INTU: variants seen among roughly 807,000 people sequenced by gnomAD.
The protein encoded by INTU is inturned planar cell polarity protein, also known as protein inturned.
Under a neutral mutation model 100.5 loss-of-function variants are expected in INTU, and 68 were observed. That is an observed-to-expected ratio of 0.68 (90% CI 0.56 to 0.83). The LOEUF (loss-of-function observed/expected upper bound fraction) is 0.83, where lower values mean the gene tolerates loss of function less well. INTU is among the 40% of genes least tolerant of loss of function. The pLI is 0.00. For synonymous variants in INTU, 357 were observed against 395.7 expected, an observed-to-expected ratio of 0.90 and a Z score of 1.16; for missense variants, 1,071 against 1,114.7, an observed-to-expected ratio of 0.96 and a Z score of 0.56.
intron 1 of INTU, among the ~76,000 whole-genome samples, chr4:127,637,428 A>G (rs554165799): frequency 6.6e-6 from 1 of 152,310 alleles, no homozygotes; most frequent in African/African-American, 2.4e-5. Flanking sequence ...ATTATTGAAA[A>G]TGATTATCCA....
At chr4:127,674,897 G>C (rs1246580523) in intron 6 of INTU, among the ~76,000 whole-genome samples, 2 of 152,166 alleles carry the variant, frequency 1.3e-5, no homozygotes, top group Non-Finnish European at 2.9e-5. Context: ...AATCAAAAGA[G>C]GGTTCAGTAA....
At chr4:127,690,055 T>A (rs1730043435) in intron 8 of INTU, among the ~76,000 whole-genome samples, 1 of 152,204 alleles carries the variant, frequency 6.6e-6, no homozygotes, top group Non-Finnish European at 1.5e-5. Flanking sequence ...CTTTCTGTGA[T>A]AGTAGAGGTA....
chr4:127,695,574 T>A (rs1170547248), intron 8 of INTU, among the ~76,000 whole-genome samples: 2 of 152,220 alleles, frequency 1.3e-5, no homozygotes, highest in African/African-American at 4.8e-5. Flanking sequence ...CATACAGGGT[T>A]AATATAGAAA....
chr4:127,649,289 A>G (rs954303273), intron 2 of INTU, among the ~76,000 whole-genome samples: 1 of 152,164 alleles, frequency 6.6e-6, no homozygotes, highest in Non-Finnish European at 1.5e-5. Context: ...TCAGTAAACA[A>G]GCTTGACCTT....
chr4:127,684,156 T>C (rs1729708372), intron 6 of INTU, among the ~76,000 whole-genome samples: 1 of 152,204 alleles, frequency 6.6e-6, no homozygotes, highest in Non-Finnish European at 1.5e-5. Context: ...ATGAAGAAAC[T>C]GAACTTTAGA....
At chr4:127,667,114 C>T (rs1045723058) in intron 4 of INTU, among the ~76,000 whole-genome samples, 20 of 152,000 alleles carry the variant, frequency 1.3e-4, no homozygotes, top group East Asian at 3.9e-4. Context: ...AACAAATTTC[C>T]GGGATGATAA....
At chr4:127,671,967 T>A (rs1728951820) in intron 5 of INTU, among the ~76,000 whole-genome samples, 2 of 152,022 alleles carry the variant, frequency 1.3e-5, no homozygotes, top group Middle Eastern at 3.4e-3. Context: ...CACATGGACA[T>A]AGAGTGTAAA....
chr4:127,638,299 T>A (rs1413438316), intron 1 of INTU, among the ~76,000 whole-genome samples: 1 of 152,188 alleles, frequency 6.6e-6, no homozygotes, highest in Non-Finnish European at 1.5e-5. Context: ...ACCACTTCGG[T>A]AAAGTGCATT....
chr4:127,643,756 TG>T lies in INTU; in HGVS notation c.383del (p.Cys128SerfsTer15), dbSNP rs1431557843. On this transcript the variant is annotated frameshift_variant, in exon 2 of 16. Transcript: ENST00000335251. LOFTEE classifies it high-confidence loss of function. Reference sequence around the variant, plus strand: ...AAGGAAAAGACTTTTACCCAAGCGCTGCAATAAAAAAAATAGCAATGACAAT... The same window carrying T: ...AAGGAAAAGACTTTTACCCAAGCGCTCAATAAAAAAAATAGCAATGACAAT... Reference protein sequence around the residue: ...LRRKRLLPKRCNKKNSNDNGP... With the variant: ...LRRKRLLPKRXNKKNSNDNGP... 6.2e-6 allele frequency: 10 copies of T among 1,612,986 alleles called. No individual in the cohort carries two copies. Among genetic ancestry groups the T allele is most frequent in the Non-Finnish European group, 7.6e-6 (9 of 1,179,756 alleles).
intron 5 of INTU, among the ~76,000 whole-genome samples, chr4:127,673,164 A>G (rs184158250): frequency 2.2e-4 from 33 of 152,138 alleles, no homozygotes; most frequent in African/African-American, 7.5e-4. Context: ...AAATTAACCA[A>G]CTGAGATGAA....
At chr4:127,660,238 G>A (rs550365458) in intron 3 of INTU, among the ~76,000 whole-genome samples, 1 of 152,254 alleles carries the variant, frequency 6.6e-6, no homozygotes, top group South Asian at 2.1e-4. Flanking sequence ...ATTTTCTACA[G>A]GAGAGAGAGA....
chr4:127,714,055 GA>G lies in INTU; in HGVS notation c.2685del (p.Ala896HisfsTer9). 1 of 1,613,014 alleles carries G rather than the reference GA, an allele frequency of 6.2e-7. No homozygotes were observed. On this transcript the variant is annotated frameshift_variant, in exon 15 of 16. Coordinates refer to ENST00000335251, the MANE Select transcript of INTU (RefSeq NM_015693.4). LOFTEE classifies it high-confidence loss of function. ...GTTCACCTGGAAACTGGACTGATCA[GA>G]AAAAAGCACCACCAGTTATGGCTTA... ...ECSPGNWTDQKKAPPVMAYWV... is the reference protein window; with the variant it reads ...ECSPGNWTDQXKAPPVMAYWV...
At chr4:127,653,784 G>T (rs1203301327) in intron 2 of INTU, among the ~76,000 whole-genome samples, 104 of 151,460 alleles carry the variant, frequency 6.9e-4, no homozygotes, top group African/African-American at 2.2e-3. Flanking sequence ...CCTTGTTGAC[G>T]TTCTGTCTCG....
Position 127,716,463 on chromosome 4 carries a change from C to T in INTU, c.*27C>T, listed in dbSNP as rs777186871. 4.1e-5 allele frequency: 45 copies of T among 1,086,698 alleles called. No homozygotes were observed. The highest frequency in any genetic ancestry group is 2.8e-4 in the African/African-American group (18 of 63,560). The allele number at this position is 1,086,698 out of a possible 1,614,324, so 67.3% of individuals were successfully genotyped here. A position where few individuals can be genotyped will look rare whatever the true frequency, so the allele number is the denominator to read the frequency against. On this transcript the variant is annotated 3_prime_UTR_variant, in exon 16 of 16. Transcript: ENST00000335251. ...TGTGCTTTCTTGATGCGTAGAAACACGTGCATGGAGGATCAAACACTGTCA... is the reference window on the plus strand; with the variant it reads ...TGTGCTTTCTTGATGCGTAGAAACATGTGCATGGAGGATCAAACACTGTCA...
Position 127,724,137 on chromosome 4 carries a change from G to A in INTU, c.*7701G>A, listed in dbSNP as rs1578648138. The A allele has an allele frequency of 6.6e-6, 1 of 151,236 alleles. No individual in the cohort carries two copies. The highest frequency in any genetic ancestry group is 2.1e-4 in the South Asian group (1 of 4,780). 9.4% of individuals were successfully genotyped at this position (151,236 alleles called of 1,614,324 possible). On this transcript the variant is annotated 3_prime_UTR_variant, in exon 16 of 16. Transcript: ENST00000335251. ...CTTCTTTTATAAAATACTAATTTTTGGCCGGGCACGGTGGTGGCTCACGCC... is the reference window on the plus strand; with the variant it reads ...CTTCTTTTATAAAATACTAATTTTTAGCCGGGCACGGTGGTGGCTCACGCC...
chr4:127,705,921 T>A, intron 11 of INTU, 109 bp downstream of exon 11: 1 of 746,982 alleles, frequency 1.3e-6, no homozygotes, highest in Non-Finnish European at 2.2e-6. Flanking sequence ...ATTGACTGTC[T>A]AAATAAATAC....
chr4:127,654,120 G>C (rs1425338468), intron 2 of INTU, among the ~76,000 whole-genome samples: 85 of 150,842 alleles, frequency 5.6e-4, no homozygotes, highest in East Asian at 3.9e-4. Context: ...GTGTGTCTCT[G>C]CACGTGAGAT....
chr4:127,655,076 A>G (rs1256474854), intron 2 of INTU, among the ~76,000 whole-genome samples: 3 of 151,732 alleles, frequency 2.0e-5, no homozygotes, highest in Admixed American at 6.6e-5. Context: ...AGCTCCATCA[A>G]CTCCTTTAAG....
intron 8 of INTU, among the ~76,000 whole-genome samples, chr4:127,696,166 T>C (rs765070537): frequency 1.3e-5 from 2 of 152,174 alleles, no homozygotes; most frequent in East Asian, 1.9e-4. Context: ...TTTTTTCTTA[T>C]AATGTCTTTG....
Sources: allele counts gnomAD v4.1 joint callset (sites outside exome capture counted in the v4.1 genomes callset), GRCh38; gene constraint gnomAD v4.1.1; transcripts MANE v1.5; gene names NCBI Gene and HGNC (gene_info 2026-07-23, HGNC 2026-07-21).